LRBA: variants seen among roughly 807,000 people sequenced by gnomAD.
LRBA encodes the protein lipopolysaccharide-responsive and beige-like anchor protein.
LRBA carries 176 observed loss-of-function variants against 330.0 expected under a neutral mutation model. The ratio of observed to expected loss-of-function variants is 0.53; its 90% CI spans 0.47 to 0.60. LRBA has a LOEUF of 0.60. Ranked by LOEUF, LRBA falls within the 20% of genes least tolerant of loss-of-function variation. LRBA has a pLI of 0.00. For synonymous variants in LRBA, 1,230 were observed against 1,193.0 expected, an observed-to-expected ratio of 1.03 and a Z score of -0.64; for missense variants, 3,259 against 3,444.8, an observed-to-expected ratio of 0.95 and a Z score of 1.35.
At chr4:150,464,005 T>G (rs1755114191) in intron 44 of LRBA, among the ~76,000 whole-genome samples, 1 of 45,724 alleles carries the variant, frequency 2.2e-5, no homozygotes, top group African/African-American at 4.2e-5. Context: ...GAAAAACATA[T>G]CCTCAAAAAA....
intron 33 of LRBA, among the ~76,000 whole-genome samples, chr4:150,798,942 C>T (rs1278997416): frequency 2.0e-5 from 3 of 152,110 alleles, no homozygotes; most frequent in Non-Finnish European, 4.4e-5. Flanking sequence ...GCTTAGGTTC[C>T]AGGGTATAAC....
chr4:150,416,876 C>G (rs866200314), intron 46 of LRBA, among the ~76,000 whole-genome samples: 6 of 152,016 alleles, frequency 3.9e-5, no homozygotes, highest in Middle Eastern at 3.4e-3. Context: ...CTTAATAAAC[C>G]TTATTACATT....
intron 17 of LRBA, among the ~76,000 whole-genome samples, chr4:150,883,859 T>G (rs1332729368): frequency 6.6e-6 from 1 of 151,996 alleles, no homozygotes; most frequent in African/African-American, 2.4e-5. Context: ...AATAAAAGAC[T>G]GAGAAAGTAG....
At chr4:150,577,796 A>G (rs919490984) in intron 40 of LRBA, among the ~76,000 whole-genome samples, 1 of 152,206 alleles carries the variant, frequency 6.6e-6, no homozygotes, top group Non-Finnish European at 1.5e-5. Flanking sequence ...TAACTCAGTA[A>G]ATACATTTTT....
At chr4:150,726,158 T>C (rs1262493416) in intron 36 of LRBA, among the ~76,000 whole-genome samples, 1 of 152,100 alleles carries the variant, frequency 6.6e-6, no homozygotes, top group Non-Finnish European at 1.5e-5. Flanking sequence ...AATAATAACA[T>C]TAAATGTAAA....
Position 150,987,565 on chromosome 4 carries a change from G to C in LRBA, c.216+26862C>G, listed in dbSNP as rs187673749. The stretch of plus-strand genomic sequence containing the variant: ...TACTAAAAACACAAAAATTAGCCAG[G>C]CATGGTGGCAGGCACCTGTAATCCC... On this transcript the variant is annotated intron_variant, in intron 2 of 56. Transcript: ENST00000651943. Among the ~76,000 whole-genome samples the C allele has an allele frequency of 1.7e-4, 26 of 152,128 alleles. 1 individual carries two copies. The highest frequency in any genetic ancestry group is 1.7e-3 in the Admixed American group (26 of 15,266).
intron 44 of LRBA, among the ~76,000 whole-genome samples, chr4:150,440,202 T>A (rs780718056): frequency 6.6e-5 from 10 of 152,216 alleles, no homozygotes; most frequent in Non-Finnish European, 1.3e-4. Context: ...CCATTAAAAA[T>A]GGTCATAATT....
chr4:150,293,133 T>C (rs1462095400), intron 53 of LRBA, among the ~76,000 whole-genome samples: 1 of 152,166 alleles, frequency 6.6e-6, no homozygotes, highest in Non-Finnish European at 1.5e-5. Context: ...TATATGCCAG[T>C]CATTTCCTAA....
rs770469359 is a variant in LRBA, at chr4:150,844,129, G to A, written c.4540C>T (p.Arg1514Trp). The A allele has an allele frequency of 1.1e-5, 18 of 1,610,668 alleles. No homozygotes were observed. Among genetic ancestry groups the A allele is most frequent in the South Asian group, 3.3e-5 (3 of 90,668 alleles). The change falls in exon 28 of 57, where the codon CGG (arginine) becomes TGG (tryptophan). Residue 1514 changes from arginine (R) to tryptophan (W), a missense_variant. Transcript: ENST00000651943. ...TCTCTGAAAACAACTGCCCTAAGCC[G>A]ATTAATATCCATGTCCTGTAGAAGC... ...DRLLQDMDIN[R>W]LRAVVFRDIE...
intron 53 of LRBA, among the ~76,000 whole-genome samples, chr4:150,301,293 G>C (rs1486345433): frequency 6.6e-6 from 1 of 151,994 alleles, no homozygotes; most frequent in Non-Finnish European, 1.5e-5. Context: ...TAATTACAGA[G>C]ATGTCTGTAT....
intron 53 of LRBA, among the ~76,000 whole-genome samples, chr4:150,296,625 A>G (rs1729006919): frequency 1.3e-5 from 2 of 152,182 alleles, no homozygotes; most frequent in Non-Finnish European, 2.9e-5. Context: ...GCACATAAAA[A>G]TTGAGGTAAC....
At chr4:150,890,234 A>T (rs1314934629) in intron 17 of LRBA, among the ~76,000 whole-genome samples, 2 of 152,242 alleles carry the variant, frequency 1.3e-5, no homozygotes, top group Non-Finnish European at 2.9e-5. Context: ...GAAATGTTTA[A>T]CAATGATAGA....
chr4:150,465,559 G>A (rs1420878497), intron 44 of LRBA, among the ~76,000 whole-genome samples: 1 of 152,062 alleles, frequency 6.6e-6, no homozygotes, highest in African/African-American at 2.4e-5. Flanking sequence ...TCTTCCTAAT[G>A]GTTGTGAAGT....
chr4:150,647,240 T>C (rs895978108), intron 37 of LRBA, among the ~76,000 whole-genome samples: 2 of 151,840 alleles, frequency 1.3e-5, no homozygotes, highest in Non-Finnish European at 2.9e-5. Flanking sequence ...TCATTCTATT[T>C]CTGGGACTAT....
rs992287572 is a variant in LRBA at position 150,960,752 on chromosome 4, T to C, written c.217-31687A>G. Among the ~76,000 whole-genome samples, 7 of 149,250 alleles carry C rather than the reference T, an allele frequency of 4.7e-5. 1 individual carries two copies. Among genetic ancestry groups the C allele is most frequent in the Non-Finnish European group, 8.8e-5 (6 of 68,020 alleles). On this transcript the variant is annotated intron_variant, in intron 2 of 56. Coordinates refer to ENST00000651943, the MANE Select transcript of LRBA (RefSeq NM_001364905.1). Reference sequence around the variant, plus strand: ...TTTGGTTTTTCAATAGTTACAGTTTTACAATAAAAATTTTTATGAGAAAGT... The same window carrying C: ...TTTGGTTTTTCAATAGTTACAGTTTCACAATAAAAATTTTTATGAGAAAGT...
At chr4:150,443,853 A>AAAAAAATATATATATAT (rs70941406) in intron 44 of LRBA, among the ~76,000 whole-genome samples, 32 of 75,442 alleles carry the variant, frequency 4.2e-4, no homozygotes, top group Non-Finnish European at 7.2e-4. Flanking sequence ...TAATTAAAAA[A>AAAAAAATATATATATAT]ATATATATAT....
At chr4:150,385,403 G>A (rs57925391) in intron 47 of LRBA, among the ~76,000 whole-genome samples, 4,461 of 152,194 alleles carry the variant, frequency 0.029, 157 homozygotes, top group East Asian at 0.17. Context: ...ATCCAATCTT[G>A]AGCAAATGTT....
intron 44 of LRBA, among the ~76,000 whole-genome samples, chr4:150,463,576 A>G (rs913977341): frequency 6.6e-6 from 1 of 151,998 alleles, no homozygotes; most frequent in Non-Finnish European, 1.5e-5. Context: ...AAAATAAAAA[A>G]GCAAAATTAC....
intron 40 of LRBA, among the ~76,000 whole-genome samples, chr4:150,495,282 A>G (rs1214049190): frequency 6.6e-6 from 1 of 152,164 alleles, no homozygotes; most frequent in African/African-American, 2.4e-5. Flanking sequence ...ATCACTTTGT[A>G]TGTTTTCAAA....
Sources: allele counts gnomAD v4.1 joint callset (sites outside exome capture counted in the v4.1 genomes callset), GRCh38; gene constraint gnomAD v4.1.1; transcripts MANE v1.5; gene names NCBI Gene and HGNC (gene_info 2026-07-23, HGNC 2026-07-21).